GMDS: variants seen among roughly 807,000 people sequenced by gnomAD.
GMDS encodes the protein GDP-mannose 4,6-dehydratase.
GMDS carries 20 observed loss-of-function variants against 49.9 expected under a neutral mutation model. That is an observed-to-expected ratio of 0.40 (90% confidence interval 0.28 to 0.58). The LOEUF (loss-of-function observed/expected upper bound fraction) is 0.58, where lower values mean the gene tolerates loss of function less well. Ranked by LOEUF, GMDS falls within the 20% of genes least tolerant of loss-of-function variation. The pLI is 0.42. For synonymous variants in GMDS, 177 were observed against 178.6 expected (o/e 0.99, Z 0.07); for missense variants, 362 against 481.4 (o/e 0.75, Z 2.32).
At chr6:2,013,718 A>G (rs997042274) in intron 4 of GMDS, among the ~76,000 whole-genome samples, 8 of 152,026 alleles carry the variant, frequency 5.3e-5, no homozygotes, top group African/African-American at 1.9e-4. Context: ...GATGCATCGC[A>G]AACTACAATG....
chr6:1,896,475 G>A (rs1581321555), intron 7 of GMDS, among the ~76,000 whole-genome samples: 1 of 152,184 alleles, frequency 6.6e-6, no homozygotes, highest in East Asian at 1.9e-4. Context: ...ATGGGCAAAG[G>A]AGAAGGTGAC....
At chr6:1,869,132 G>A (rs1758594855) in intron 7 of GMDS, among the ~76,000 whole-genome samples, 1 of 152,208 alleles carries the variant, frequency 6.6e-6, no homozygotes, top group South Asian at 2.1e-4. Flanking sequence ...AGGCTCTACT[G>A]GGGGAGATAG....
intron 9 of GMDS, among the ~76,000 whole-genome samples, chr6:1,672,723 G>T (rs9501755): frequency 2.0e-5 from 3 of 151,966 alleles, no homozygotes; most frequent in Non-Finnish European, 2.9e-5. Flanking sequence ...TGTTCAAATA[G>T]GTTTGCCAGA....
At chr6:1,868,144 G>A (rs765606998) in intron 7 of GMDS, among the ~76,000 whole-genome samples, 19 of 152,156 alleles carry the variant, frequency 1.2e-4, no homozygotes, top group African/African-American at 3.4e-4. Context: ...CCGCCAGCAC[G>A]CCTGGCTAAT....
chr6:2,191,763 C>T lies in GMDS; in HGVS notation c.102+53558G>A, dbSNP rs899107372. ...CAGCTTGATGCTGGCCTGCAGGTACCCCATGGATGAGCAGCCTGGGTACCA... is the reference window on the plus strand; with the variant it reads ...CAGCTTGATGCTGGCCTGCAGGTACTCCATGGATGAGCAGCCTGGGTACCA... On this transcript the variant is annotated intron_variant, in intron 1 of 10. Coordinates refer to ENST00000380815, the MANE Select transcript of GMDS (RefSeq NM_001500.4). The surrounding 1 kb of genome is among the most constrained non-coding windows in gnomAD (Gnocchi z 4.6). Among the ~76,000 whole-genome samples, 4 of 152,296 alleles carry T rather than the reference C, an allele frequency of 2.6e-5. No individual in the cohort carries two copies. The East Asian group carries it at 7.7e-4, about 29-fold the overall frequency.
chr6:1,645,151 G>C (rs955364999), intron 9 of GMDS, among the ~76,000 whole-genome samples: 1 of 151,906 alleles, frequency 6.6e-6, no homozygotes, highest in Admixed American at 6.6e-5. Flanking sequence ...GGTCAGGCTG[G>C]TCTCGAACTC....
intron 4 of GMDS, among the ~76,000 whole-genome samples, chr6:1,963,510 T>G (rs1764089941): frequency 6.6e-6 from 1 of 152,238 alleles, no homozygotes; most frequent in Admixed American, 6.5e-5. Context: ...CCAAGAGTTT[T>G]ATAGTTTTGT....
rs180833943 is a variant in GMDS at position 2,064,230 on chromosome 6, G to C, written c.345+51541C>G. On this transcript the variant is annotated intron_variant, in intron 4 of 10. Coordinates refer to ENST00000380815, the MANE Select transcript of GMDS (RefSeq NM_001500.4). Reference sequence around the variant, plus strand: ...CAAGTGATACTAAAAGTTTAGAGAAGTACTTCAGAATTTTTAAAAATTAAA... The same window carrying C: ...CAAGTGATACTAAAAGTTTAGAGAACTACTTCAGAATTTTTAAAAATTAAA... 1.9e-4 allele frequency among the ~76,000 whole-genome samples: 29 copies of C among 152,172 alleles called. No homozygotes were observed. The East Asian group carries it at 5.6e-3, about 29-fold the overall frequency.
intron 7 of GMDS, among the ~76,000 whole-genome samples, chr6:1,839,309 A>G (rs1757055915): frequency 6.6e-6 from 1 of 152,202 alleles, no homozygotes; most frequent in South Asian, 2.1e-4. Flanking sequence ...TTTCTTTAGT[A>G]TGGTAATCTG....
intron 4 of GMDS, among the ~76,000 whole-genome samples, chr6:1,975,928 C>G (rs755710974): frequency 1.3e-5 from 2 of 152,082 alleles, no homozygotes; most frequent in African/African-American, 4.8e-5. Context: ...GTTCCTGCAC[C>G]CCTAGGAGGC....
intron 1 of GMDS, among the ~76,000 whole-genome samples, chr6:2,173,339 C>T (rs927383542): frequency 6.6e-6 from 1 of 152,142 alleles, no homozygotes; most frequent in Non-Finnish European, 1.5e-5. Flanking sequence ...AAGTACAAAT[C>T]CATAGTTTAA....
At chr6:1,638,413 C>G (rs557404446) in intron 9 of GMDS, among the ~76,000 whole-genome samples, 1 of 152,250 alleles carries the variant, frequency 6.6e-6, no homozygotes. Context: ...ATCAGCTCCT[C>G]GAGTGCCAGC....
intron 9 of GMDS, among the ~76,000 whole-genome samples, chr6:1,663,550 G>A (rs1005019964): frequency 1.3e-5 from 2 of 152,052 alleles, no homozygotes; most frequent in East Asian, 1.9e-4. Flanking sequence ...AGTACACGGC[G>A]GCCCTCCTCC....
At chr6:1,634,095 C>A (rs1274963808) in intron 9 of GMDS, among the ~76,000 whole-genome samples, 1 of 152,226 alleles carries the variant, frequency 6.6e-6, no homozygotes, top group Non-Finnish European at 1.5e-5. Context: ...CCCTCTTCCC[C>A]TGGAAAATCT....
At chr6:2,177,322 C>A (rs1204973258) in intron 1 of GMDS, among the ~76,000 whole-genome samples, 2 of 152,056 alleles carry the variant, frequency 1.3e-5, no homozygotes, top group East Asian at 1.9e-4. Context: ...ACAAAAACAA[C>A]TAGACAATCA....
At chr6:1,906,231 CAT>C (rs1186877833) in intron 7 of GMDS, among the ~76,000 whole-genome samples, 6 of 152,146 alleles carry the variant, frequency 3.9e-5, no homozygotes, top group Non-Finnish European at 7.3e-5. Flanking sequence ...CCTACATATG[CAT>C]ATAAGCCATT....
chr6:1,915,555 T>C (rs898729679), intron 7 of GMDS, among the ~76,000 whole-genome samples: 4 of 152,190 alleles, frequency 2.6e-5, no homozygotes, highest in African/African-American at 9.6e-5. Context: ...CTTTATTCCA[T>C]GGTGGAGACA....
At chr6:1,765,897 A>G (rs1768332761) in intron 7 of GMDS, among the ~76,000 whole-genome samples, 1 of 152,148 alleles carries the variant, frequency 6.6e-6, no homozygotes, top group African/African-American at 2.4e-5. Context: ...GGCCCTTGCG[A>G]GACTCAGCCC....
At chr6:2,025,986 A>G (rs1768574583) in intron 4 of GMDS, among the ~76,000 whole-genome samples, 1 of 152,246 alleles carries the variant, frequency 6.6e-6, no homozygotes, top group Admixed American at 6.5e-5. Flanking sequence ...AGTCCTTAGA[A>G]CTTTTTTACA....
Sources: gnomAD v4.1 joint callset for allele counts (sites outside exome capture counted in the v4.1 genomes callset) on GRCh38, gnomAD v4.1.1 for gene constraint, Gnocchi (gnomAD v3.1) non-coding constraint, MANE v1.5 for transcripts, NCBI Gene and HGNC (gene_info 2026-07-23, HGNC 2026-07-21) for gene names.